The following TAFA1 variants were observed in gnomAD, a reference collection of about 807,000 sequenced individuals.
The protein encoded by TAFA1 is TAFA chemokine like family member 1.
Under a neutral mutation model 18.5 loss-of-function variants are expected in TAFA1, and 4 were observed. The ratio of observed to expected loss-of-function variants is 0.22; its 90% CI spans 0.11 to 0.49. TAFA1 has a LOEUF of 0.49. TAFA1 is among the 20% of genes least tolerant of loss of function. The pLI, the probability that TAFA1 is intolerant of heterozygous loss-of-function variation, is 0.98. For synonymous variants in TAFA1, 56 were observed against 55.2 expected, an observed-to-expected ratio of 1.01 and a Z score of -0.06; for missense variants, 147 against 169.0, an observed-to-expected ratio of 0.87 and a Z score of 0.72.
At chr3:68,496,664 A>G (rs1323554703) in intron 3 of TAFA1, among the ~76,000 whole-genome samples, 1 of 152,158 alleles carries the variant, frequency 6.6e-6, no homozygotes, top group Non-Finnish European at 1.5e-5. Flanking sequence ...ACTGGAACAG[A>G]TGTTGTCAAG....
In TAFA1 at chr3:68,241,819, C is replaced by T. The variant is rs549818623; in HGVS notation, c.119-175461C>T. On this transcript the variant is annotated intron_variant, in intron 2 of 4. Transcript: ENST00000478136. ...TTTTTCATCCGCCATGGATGAAAAC[C>T]CAAAAAGTCCATTTCACTTTGGAGC... 2.6e-5 allele frequency among the ~76,000 whole-genome samples: 4 copies of T among 152,190 alleles called. No homozygotes were observed. The South Asian group carries it at 8.3e-4, about 32-fold the overall frequency.
intron 2 of TAFA1, among the ~76,000 whole-genome samples, chr3:68,380,185 G>A (rs2069909524): frequency 6.6e-6 from 1 of 152,094 alleles, no homozygotes; most frequent in Non-Finnish European, 1.5e-5. Context: ...CATTTGGGTT[G>A]GTTCCAAGAC....
At chr3:68,407,491 T>C (rs1193339616) in intron 2 of TAFA1, among the ~76,000 whole-genome samples, 1 of 152,176 alleles carries the variant, frequency 6.6e-6, no homozygotes, top group African/African-American at 2.4e-5. Context: ...GAAAAATAGC[T>C]ATAATATGTC....
At chr3:68,206,352 A>G (rs1488980489) in intron 2 of TAFA1, among the ~76,000 whole-genome samples, 2 of 151,860 alleles carry the variant, frequency 1.3e-5, no homozygotes, top group African/African-American at 4.8e-5. Context: ...AAAATGAGAT[A>G]GATGTTTTCT....
At chr3:68,472,866 G>A (rs2072026331) in intron 3 of TAFA1, among the ~76,000 whole-genome samples, 1 of 152,068 alleles carries the variant, frequency 6.6e-6, no homozygotes, top group Non-Finnish European at 1.5e-5. Context: ...ATAAGGAATG[G>A]CACATCATTC....
intron 3 of TAFA1, among the ~76,000 whole-genome samples, chr3:68,536,962 C>G (rs1317561944): frequency 6.6e-6 from 1 of 152,110 alleles, no homozygotes; most frequent in Non-Finnish European, 1.5e-5. Flanking sequence ...TGCAACTTTT[C>G]TTTTGTACTT....
intron 2 of TAFA1, among the ~76,000 whole-genome samples, chr3:68,163,347 T>A (rs1414303541): frequency 6.6e-6 from 1 of 152,208 alleles, no homozygotes; most frequent in East Asian, 1.9e-4. Flanking sequence ...GTATTACCTT[T>A]GGCCAATACT....
At chr3:68,236,770 G>C (rs190482148) in intron 2 of TAFA1, among the ~76,000 whole-genome samples, 14 of 152,246 alleles carry the variant, frequency 9.2e-5, no homozygotes, top group Admixed American at 9.2e-4. Context: ...CAGCTTCATG[G>C]AAGGAAGTCA....
At chr3:68,412,336 C>CT (rs35603734) in intron 2 of TAFA1, among the ~76,000 whole-genome samples, 27,487 of 147,006 alleles carry the variant, frequency 0.19, 3,237 homozygotes, top group East Asian at 0.44. Flanking sequence ...GGGCAAGTTT[C>CT]TTTTTTTTTT....
chr3:68,387,937 T>C (rs2070139608), intron 2 of TAFA1, among the ~76,000 whole-genome samples: 1 of 152,190 alleles, frequency 6.6e-6, no homozygotes, highest in African/African-American at 2.4e-5. Flanking sequence ...TCTGACTATA[T>C]CATTAAAACT....
Position 68,444,112 on chromosome 3 carries a change from A to T in TAFA1, c.259+26692A>T, listed in dbSNP as rs531789758. On this transcript the variant is annotated intron_variant, in intron 3 of 4. Coordinates refer to ENST00000478136, the MANE Select transcript of TAFA1 (RefSeq NM_213609.4). The stretch of plus-strand genomic sequence containing the variant: ...CTTTTTCATCATCCTCTATGGCCTC[A>T]TCTGAAGGGAGTGTCAGGCAGTGTG... Among the ~76,000 whole-genome samples the T allele has an allele frequency of 1.4e-4, 22 of 152,224 alleles. 1 individual carries two copies. In the South Asian group the frequency reaches 3.5e-3, roughly 24 times the overall value.
rs529225724 is a variant in TAFA1, at chr3:68,359,224, T to A, written c.119-58056T>A. Reference sequence around the variant, plus strand: ...TGGCAAAAGGTCAATATTCTTAAAATCATGTTAATCAAAAATTGCAGAACA... The same window carrying A: ...TGGCAAAAGGTCAATATTCTTAAAAACATGTTAATCAAAAATTGCAGAACA... On this transcript the variant is annotated intron_variant, in intron 2 of 4. Coordinates refer to ENST00000478136, the MANE Select transcript of TAFA1 (RefSeq NM_213609.4). Among the ~76,000 whole-genome samples, 13 of 152,104 alleles carry A rather than the reference T, an allele frequency of 8.5e-5. No individual in the cohort carries two copies. The South Asian group carries it at 2.7e-3, about 32-fold the overall frequency.
At chr3:68,487,947 G>A (rs921471357) in intron 3 of TAFA1, among the ~76,000 whole-genome samples, 1 of 152,080 alleles carries the variant, frequency 6.6e-6, no homozygotes, top group African/African-American at 2.4e-5. Flanking sequence ...ACGTGATCTG[G>A]CATCTACAGG....
At chr3:68,126,506 T>G (rs1169707861) in intron 2 of TAFA1, among the ~76,000 whole-genome samples, 1 of 152,236 alleles carries the variant, frequency 6.6e-6, no homozygotes, top group African/African-American at 2.4e-5. Flanking sequence ...GAGAAAAAGT[T>G]GGCAAATTTG....
At chr3:68,094,626 C>G (rs1054697953) in intron 2 of TAFA1, among the ~76,000 whole-genome samples, 7 of 152,082 alleles carry the variant, frequency 4.6e-5, no homozygotes. Flanking sequence ...ACATACTGAG[C>G]CAGTTCTCAT....
At chr3:68,527,496 T>C (rs2073125463) in intron 3 of TAFA1, among the ~76,000 whole-genome samples, 1 of 152,176 alleles carries the variant, frequency 6.6e-6, no homozygotes, top group East Asian at 1.9e-4. Flanking sequence ...ACTTACTTGT[T>C]TTAATACAAA....
intron 2 of TAFA1, among the ~76,000 whole-genome samples, chr3:68,326,102 T>A (rs2106717758): frequency 6.6e-6 from 1 of 152,336 alleles, no homozygotes; most frequent in Middle Eastern, 3.4e-3. Context: ...TATTAGGACT[T>A]CTTGGAATTC....
chr3:68,220,436 A>G (rs1285554408), intron 2 of TAFA1, among the ~76,000 whole-genome samples: 1 of 151,884 alleles, frequency 6.6e-6, no homozygotes, highest in Admixed American at 6.6e-5. Context: ...TTTAGTGTGC[A>G]GTTCTTTTAA....
intron 2 of TAFA1, among the ~76,000 whole-genome samples, chr3:68,269,233 T>G (rs952007223): frequency 4.6e-5 from 7 of 151,918 alleles, no homozygotes; most frequent in Non-Finnish European, 7.4e-5. Context: ...GCAGGAGGAT[T>G]GCTTGAGGCC....
Sources: gnomAD v4.1 joint callset for allele counts (sites outside exome capture counted in the v4.1 genomes callset) on GRCh38, gnomAD v4.1.1 for gene constraint, MANE v1.5 for transcripts, NCBI Gene and HGNC (gene_info 2026-07-23, HGNC 2026-07-21) for gene names.